Variants in ENOX2 observed in about 807,000 individuals in gnomAD.
ENOX2 encodes the protein APK1 antigen.
Under a neutral mutation model 45.0 loss-of-function variants are expected in ENOX2, and 36 were observed. That is an observed-to-expected ratio of 0.80 (90% CI 0.61 to 1.06). The LOEUF is 1.06. Ranked by LOEUF, ENOX2 falls within the 50% of genes least tolerant of loss-of-function variation. The pLI is 0.00. For missense variants in ENOX2, 423 were observed against 462.5 expected (o/e 0.91, Z 0.78); for synonymous variants, 174 against 152.3 (o/e 1.14, Z -1.05).
intron 2 of ENOX2, among the ~76,000 whole-genome samples, chrX:130,878,244 G>C (rs902230295): frequency 8.9e-6 from 1 of 112,031 alleles, no homozygotes; most frequent in African/African-American, 3.2e-5. Context: ...AGTTTGCTTC[G>C]GGGTGGGGTT....
chrX:130,646,981 AT>A (rs1201013243), intron 10 of ENOX2, among the ~76,000 whole-genome samples: 1 of 112,177 alleles, frequency 8.9e-6, no homozygotes, highest in East Asian at 2.8e-4. Context: ...GATGTCTAAA[AT>A]TATCTAAAAA....
intron 9 of ENOX2, among the ~76,000 whole-genome samples, chrX:130,661,792 T>C (rs1233769568): frequency 8.9e-6 from 1 of 112,374 alleles, no homozygotes; most frequent in Non-Finnish European, 1.9e-5. Context: ...TGAATATCTA[T>C]CTGCAAACAG....
chrX:130,883,534 A>G (rs972661610), intron 2 of ENOX2, among the ~76,000 whole-genome samples: 3 of 112,052 alleles, frequency 2.7e-5, no homozygotes, highest in African/African-American at 9.8e-5. Flanking sequence ...ACTATCCTAC[A>G]TAAATAGCAT....
chrX:130,758,054 G>A (rs1462418664), intron 3 of ENOX2, among the ~76,000 whole-genome samples: 1 of 111,928 alleles, frequency 8.9e-6, no homozygotes, highest in Non-Finnish European at 1.9e-5. Context: ...TCTTGTCTTG[G>A]CCTCCCAAAG....
intron 10 of ENOX2, among the ~76,000 whole-genome samples, chrX:130,654,207 C>T (rs1335101067): frequency 8.9e-6 from 1 of 111,900 alleles, no homozygotes; most frequent in Non-Finnish European, 1.9e-5. Flanking sequence ...TGTCCCTCTT[C>T]AATAGATTGC....
intron 12 of ENOX2, 141 bp from the exon 13 acceptor site, chrX:130,631,717 A>T (rs1023062981): frequency 5.4e-6 from 2 of 372,901 alleles, no homozygotes; most frequent in Admixed American, 8.5e-5. Context: ...GAGAGAAAAT[A>T]GCATAAATTA....
At chrX:130,790,975 A>G (rs1469331435) in intron 2 of ENOX2, among the ~76,000 whole-genome samples, 1 of 112,098 alleles carries the variant, frequency 8.9e-6, no homozygotes, top group African/African-American at 3.2e-5. Flanking sequence ...CCAAGGTCAC[A>G]CAAGGAATTC....
intron 9 of ENOX2, among the ~76,000 whole-genome samples, chrX:130,661,970 C>T (rs1218202590): frequency 4.5e-5 from 5 of 112,191 alleles, no homozygotes; most frequent in African/African-American, 1.6e-4. Flanking sequence ...TCTCCTAGGG[C>T]TTATTGTTAT....
At chrX:130,857,827 A>G (rs1460486202) in intron 2 of ENOX2, among the ~76,000 whole-genome samples, 2 of 112,068 alleles carry the variant, frequency 1.8e-5, no homozygotes, top group East Asian at 2.8e-4. Flanking sequence ...TGAATTCAAT[A>G]AAAGTATTCC....
chrX:130,796,760 C>T (rs958906086), intron 2 of ENOX2, among the ~76,000 whole-genome samples: 1 of 111,859 alleles, frequency 8.9e-6, no homozygotes, highest in Non-Finnish European at 1.9e-5. Context: ...AAAATCTTAA[C>T]ATTTTAATAA....
chrX:130,743,846 T>C (rs183447736), intron 3 of ENOX2, among the ~76,000 whole-genome samples: 43 of 111,776 alleles, frequency 3.8e-4, no homozygotes, highest in African/African-American at 1.4e-3. Flanking sequence ...GTGGAAACTG[T>C]ATTTGAAGGA....
intron 10 of ENOX2, among the ~76,000 whole-genome samples, chrX:130,649,135 C>T (rs1045128627): frequency 9.8e-6 from 1 of 101,745 alleles, no homozygotes; most frequent in Non-Finnish European, 2.0e-5. Flanking sequence ...TCTGCCTACA[C>T]TGGCTCCCCT....
At chrX:130,849,823 C>T (rs1208833227) in intron 2 of ENOX2, among the ~76,000 whole-genome samples, 1 of 111,480 alleles carries the variant, frequency 9.0e-6, no homozygotes, top group African/African-American at 3.3e-5. Flanking sequence ...GCAGCCAACC[C>T]TTTATTCAAA....
chrX:130,870,956 G>A (rs2078575243), intron 2 of ENOX2, among the ~76,000 whole-genome samples: 1 of 109,398 alleles, frequency 9.1e-6, no homozygotes, highest in Non-Finnish European at 1.9e-5. Context: ...GAGAGAGAGA[G>A]AGAGAGCTTC....
At chrX:130,812,526 A>C (rs1486102801) in intron 2 of ENOX2, among the ~76,000 whole-genome samples, 1 of 112,384 alleles carries the variant, frequency 8.9e-6, no homozygotes, top group Non-Finnish European at 1.9e-5. Flanking sequence ...ACTTCATCAC[A>C]AAAGAAGATG....
At chrX:130,862,852 A>T (rs2078430818) in intron 2 of ENOX2, among the ~76,000 whole-genome samples, 2 of 111,903 alleles carry the variant, frequency 1.8e-5, no homozygotes, top group Admixed American at 9.5e-5. Flanking sequence ...TGAAAGGAAT[A>T]ACTGAGGGGC....
chrX:130,720,706 C>A (rs1233569717), intron 3 of ENOX2, among the ~76,000 whole-genome samples: 1 of 112,025 alleles, frequency 8.9e-6, no homozygotes, highest in African/African-American at 3.3e-5. Context: ...ACTGACTGAG[C>A]CCCTGTTGTG....
At chrX:130,782,591 A>G (rs184741750) in intron 3 of ENOX2, among the ~76,000 whole-genome samples, 1 of 112,274 alleles carries the variant, frequency 8.9e-6, no homozygotes, top group African/African-American at 3.2e-5. Context: ...TCTATGATCT[A>G]AGAGTCAGAT....
rs1034110331 is a variant in ENOX2, at chrX:130,836,302, A to G, written c.-182-52612T>C. Among the ~76,000 whole-genome samples, 4 of 111,865 alleles carry G rather than the reference A, an allele frequency of 3.6e-5. No homozygotes were observed. In the East Asian group the frequency reaches 1.1e-3, roughly 31 times the overall value. On this transcript the variant is annotated intron_variant, in intron 2 of 14. Coordinates refer to ENST00000394363, the MANE Select transcript of ENOX2 (RefSeq NM_006375.4). ...AGAGAAAGGCTAGATATGAAACATA[A>G]CTAGACCACTGTTAGAGAATTCCCT...
Sources: gnomAD v4.1 joint callset for allele counts (sites outside exome capture counted in the v4.1 genomes callset) on GRCh38, gnomAD v4.1.1 for gene constraint, MANE v1.5 for transcripts, NCBI Gene and HGNC (gene_info 2026-07-23, HGNC 2026-07-21) for gene names.